The following DGKB variants were observed in gnomAD, a reference collection of about 807,000 sequenced individuals.
DGKB encodes diacylglycerol kinase beta, also known as 90 kDa diacylglycerol kinase.
A neutral mutation model predicts 114.3 loss-of-function variants in DGKB; 67 were observed. The ratio of observed to expected loss-of-function variants is 0.59; its 90% CI spans 0.48 to 0.72. The LOEUF (loss-of-function observed/expected upper bound fraction) is 0.72. Ranked by LOEUF, DGKB falls within the 30% of genes least tolerant of loss-of-function variation. DGKB has a pLI of 0.00. For synonymous variants in DGKB, 398 were observed against 323.1 expected (o/e 1.23, Z -2.49); for missense variants, 907 against 975.2 (o/e 0.93, Z 0.93).
intron 20 of DGKB, among the ~76,000 whole-genome samples, chr7:14,518,065 T>G (rs1353065737): frequency 6.6e-6 from 1 of 152,110 alleles, no homozygotes; most frequent in Non-Finnish European, 1.5e-5. Context: ...TCAACCTAAA[T>G]GCCTATCAGT....
chr7:14,446,242 C>A (rs930909554), intron 21 of DGKB, among the ~76,000 whole-genome samples: 1 of 152,114 alleles, frequency 6.6e-6, no homozygotes, highest in East Asian at 1.9e-4. Context: ...TTTTAAAAAG[C>A]AGCTACTTAA....
intron 21 of DGKB, among the ~76,000 whole-genome samples, chr7:14,389,568 G>A (rs534948316): frequency 6.6e-6 from 1 of 152,200 alleles, no homozygotes; most frequent in Admixed American, 6.5e-5. Flanking sequence ...TTTCCTCTCA[G>A]GGAACCTGTG....
At chr7:14,462,567 G>C (rs769611620) in intron 21 of DGKB, among the ~76,000 whole-genome samples, 1 of 151,680 alleles carries the variant, frequency 6.6e-6, no homozygotes, top group African/African-American at 2.4e-5. Flanking sequence ...CCTCTTCAAG[G>C]AGAACTGCTC....
At chr7:14,785,893 C>CTTT (rs367579936) in intron 2 of DGKB, among the ~76,000 whole-genome samples, 9,439 of 140,636 alleles carry the variant, frequency 0.067, 902 homozygotes, top group African/African-American at 0.23. Flanking sequence ...AGAAGTTTTT[C>CTTT]TTTTTTTTTT....
intron 5 of DGKB, among the ~76,000 whole-genome samples, chr7:14,725,547 G>C (rs544656254): frequency 1.3e-5 from 2 of 151,824 alleles, no homozygotes; most frequent in South Asian, 4.2e-4. Flanking sequence ...AAAACAAAAA[G>C]GATATGTTGA....
At chr7:14,586,258 A>G (rs1800744735) in intron 17 of DGKB, among the ~76,000 whole-genome samples, 1 of 152,144 alleles carries the variant, frequency 6.6e-6, no homozygotes, top group Non-Finnish European at 1.5e-5. Flanking sequence ...CTTATTGCTG[A>G]TAGGGAGAAT....
At chr7:14,259,409 A>C (rs10238816) in intron 23 of DGKB, among the ~76,000 whole-genome samples, 25,434 of 77,646 alleles carry the variant, frequency 0.33, 2,153 homozygotes, top group East Asian at 0.51. Context: ...CTCTCTCTCT[A>C]TATATATATA....
chr7:14,901,915 C>G (rs1411210530), intron 1 of DGKB, among the ~76,000 whole-genome samples: 4 of 152,020 alleles, frequency 2.6e-5, no homozygotes, highest in African/African-American at 9.7e-5. Context: ...AAGTATAGAG[C>G]CATCTATGTA....
intron 23 of DGKB, among the ~76,000 whole-genome samples, chr7:14,213,339 T>G (rs951752418): frequency 3.3e-5 from 5 of 152,150 alleles, no homozygotes; most frequent in Non-Finnish European, 5.9e-5. Flanking sequence ...TATGAATGAT[T>G]CTCAAGATAG....
At chr7:14,639,750 GTTTTGT>G (rs1293302475) in intron 13 of DGKB, among the ~76,000 whole-genome samples, 3 of 152,138 alleles carry the variant, frequency 2.0e-5, no homozygotes, top group African/African-American at 4.8e-5. Flanking sequence ...ATTATAGGTT[GTTTTGT>G]TTTTGTTTTT....
At chr7:14,800,607 T>C (rs558263440) in intron 2 of DGKB, among the ~76,000 whole-genome samples, 38 of 152,302 alleles carry the variant, frequency 2.5e-4, no homozygotes, top group African/African-American at 8.9e-4. Context: ...CCTGTGATTG[T>C]ATAAGTTAAT....
chr7:14,797,930 C>T (rs889482621), intron 2 of DGKB, among the ~76,000 whole-genome samples: 9 of 152,016 alleles, frequency 5.9e-5, no homozygotes, highest in Admixed American at 3.9e-4. Context: ...ACATGGACAC[C>T]GGAGAGTGAA....
chr7:14,610,674 T>A (rs1337016522), intron 16 of DGKB, among the ~76,000 whole-genome samples: 3 of 152,018 alleles, frequency 2.0e-5, no homozygotes, highest in African/African-American at 7.2e-5. Flanking sequence ...TTGTTCTCAA[T>A]ACCCTCTTTT....
intron 1 of DGKB, among the ~76,000 whole-genome samples, chr7:14,941,214 A>G (rs1010653052): frequency 2.6e-5 from 4 of 152,112 alleles, no homozygotes; most frequent in Non-Finnish European, 4.4e-5. Context: ...ATTAAAAATG[A>G]CCACTTTTCA....
chr7:14,678,766 A>G (rs568183632), intron 12 of DGKB, among the ~76,000 whole-genome samples: 49 of 152,118 alleles, frequency 3.2e-4, no homozygotes, highest in African/African-American at 1.2e-3. Flanking sequence ...ATGAGCCAAG[A>G]GATTTTGACT....
intron 20 of DGKB, among the ~76,000 whole-genome samples, chr7:14,500,036 C>T (rs1314744081): frequency 1.3e-5 from 2 of 151,794 alleles, no homozygotes; most frequent in Admixed American, 6.6e-5. Flanking sequence ...GGTTATTTTC[C>T]CTTGTGGAGT....
At chr7:14,387,935 A>G (rs1820691842) in intron 21 of DGKB, among the ~76,000 whole-genome samples, 1 of 146,404 alleles carries the variant, frequency 6.8e-6, no homozygotes, top group Non-Finnish European at 1.5e-5. Flanking sequence ...GCTAGAGTAC[A>G]GTGGTGCCAT....
intron 17 of DGKB, among the ~76,000 whole-genome samples, chr7:14,600,992 G>C (rs1015032116): frequency 2.6e-5 from 4 of 152,166 alleles, no homozygotes; most frequent in African/African-American, 9.7e-5. Flanking sequence ...CTCTCTGCAG[G>C]GGCCTGAACC....
intron 21 of DGKB, among the ~76,000 whole-genome samples, chr7:14,376,730 G>A (rs986448740): frequency 5.9e-5 from 9 of 152,126 alleles, no homozygotes; most frequent in Non-Finnish European, 1.0e-4. Context: ...AATACTAAAC[G>A]TGTGAGAAGC....
Sources: gnomAD v4.1 joint callset for allele counts (sites outside exome capture counted in the v4.1 genomes callset) on GRCh38, gnomAD v4.1.1 for gene constraint, MANE v1.5 for transcripts, NCBI Gene and HGNC (gene_info 2026-07-23, HGNC 2026-07-21) for gene names.